Variants in PLXDC1 observed in about 807,000 individuals in gnomAD.
The protein encoded by PLXDC1 is plexin domain containing 1, also known as plexin domain-containing protein 1.
In PLXDC1, 39 loss-of-function variants were observed where a neutral mutation model predicts 61.3. The ratio of observed to expected loss-of-function variants is 0.64; its 90% CI spans 0.49 to 0.83. The LOEUF (loss-of-function observed/expected upper bound fraction) is 0.83, where lower values mean the gene tolerates loss of function less well. Among genes scored for constraint, PLXDC1 ranks in the 40% least tolerant of loss-of-function variants. PLXDC1 has a pLI of 0.00. For synonymous variants in PLXDC1, 212 were observed against 254.5 expected, an observed-to-expected ratio of 0.83 and a Z score of 1.59; for missense variants, 596 against 666.5, an observed-to-expected ratio of 0.89 and a Z score of 1.17.
chr17:39,107,767 C>T, intron 5 of PLXDC1: 1 of 584,050 alleles, frequency 1.7e-6, no homozygotes, highest in Non-Finnish European at 3.1e-6. Context: ...CTTTCCCTTT[C>T]CTTCTTGTCT....
intron 2 of PLXDC1, among the ~76,000 whole-genome samples, chr17:39,129,272 C>A (rs1185701857): frequency 6.8e-6 from 1 of 146,640 alleles, no homozygotes; most frequent in Non-Finnish European, 1.5e-5. Flanking sequence ...GAGCCAAGAT[C>A]ATGCCATTGC....
At chr17:39,140,271 A>G (rs1181740165) in intron 1 of PLXDC1, among the ~76,000 whole-genome samples, 1 of 151,982 alleles carries the variant, frequency 6.6e-6, no homozygotes, top group Non-Finnish European at 1.5e-5. Flanking sequence ...ATCTCTTGTA[A>G]CTGGTCTATG....
At chr17:39,109,511 T>C (rs1398030247) in intron 2 of PLXDC1, 120 bp from the exon 3 acceptor site, 2 of 1,241,428 alleles carry the variant, frequency 1.6e-6, no homozygotes, top group South Asian at 1.4e-5. Context: ...CCCAGGGTGC[T>C]GGACCTGTGG....
rs62076601 is a variant in PLXDC1, at chr17:39,067,156, C to T, written c.*684G>A. On this transcript the variant is annotated 3_prime_UTR_variant, in exon 14 of 14. Coordinates refer to ENST00000315392, the MANE Select transcript of PLXDC1 (RefSeq NM_020405.5). The stretch of plus-strand genomic sequence containing the variant: ...TGGAGCAAGGAAAGGGACTTTATTT[C>T]GGAGAGCCAGCAAACCAAGAAGATG... The T allele has an allele frequency of 0.039, 5,883 of 152,226 alleles. 100 individuals are homozygous for T. The highest frequency in any genetic ancestry group is 0.044 in the Non-Finnish European group (3,026 of 68,014). 9.4% of individuals were successfully genotyped at this position (152,226 alleles called of 1,614,324 possible).
At chr17:39,129,886 GTCTA>G (rs1191879982) in intron 2 of PLXDC1, among the ~76,000 whole-genome samples, 1 of 152,122 alleles carries the variant, frequency 6.6e-6, no homozygotes, top group African/African-American at 2.4e-5. Context: ...CAGCCTAAAT[GTCTA>G]TCAATAAATA....
At chr17:39,094,306 G>C (rs762229599) in intron 7 of PLXDC1, among the ~76,000 whole-genome samples, 3 of 152,192 alleles carry the variant, frequency 2.0e-5, no homozygotes, top group Admixed American at 2.0e-4. Flanking sequence ...GCACCAAAAC[G>C]CAATGGGATC....
At chr17:39,097,054 AG>A (rs1910235467) in intron 7 of PLXDC1, 1 of 468,322 alleles carries the variant, frequency 2.1e-6, no homozygotes, top group African/African-American at 2.0e-5. Context: ...CCCAGGAGTG[AG>A]GCTGTGAGGA....
intron 6 of PLXDC1, among the ~76,000 whole-genome samples, chr17:39,106,858 G>C (rs1462549748): frequency 2.6e-5 from 4 of 151,444 alleles, no homozygotes; most frequent in Non-Finnish European, 5.9e-5. Context: ...CATCATGTTG[G>C]CCAGGCTGGT....
chr17:39,071,232 A>T (rs1909105601), intron 12 of PLXDC1, among the ~76,000 whole-genome samples: 1 of 152,172 alleles, frequency 6.6e-6, no homozygotes, highest in South Asian at 2.1e-4. Context: ...TTCAGTGCCC[A>T]CCACTAAAAA....
At chr17:39,079,454 G>A in intron 9 of PLXDC1, 1 of 516,922 alleles carries the variant, frequency 1.9e-6, no homozygotes, top group Middle Eastern at 2.9e-4. Context: ...AGGTCGCCTT[G>A]ACTCTGAGCT....
At chr17:39,109,684 G>A (rs547324738) in intron 2 of PLXDC1, among the ~76,000 whole-genome samples, 50 of 152,254 alleles carry the variant, frequency 3.3e-4, no homozygotes, top group African/African-American at 1.2e-3. Flanking sequence ...CCAGGAGGCC[G>A]GCAGCCCCTG....
intron 7 of PLXDC1, among the ~76,000 whole-genome samples, chr17:39,096,380 G>T (rs1225797930): frequency 6.6e-6 from 1 of 152,108 alleles, no homozygotes; most frequent in Non-Finnish European, 1.5e-5. Flanking sequence ...GCCCCCAGAT[G>T]GATTAAAAAC....
At chr17:39,108,302 G>T (rs984983979) in intron 4 of PLXDC1, 57 bp from the exon 5 acceptor site, 1 of 1,598,520 alleles carries the variant, frequency 6.3e-7, no homozygotes, top group Admixed American at 1.7e-5. Flanking sequence ...GGCCGCTTTG[G>T]GGGCCTTTTC....
intron 2 of PLXDC1, among the ~76,000 whole-genome samples, chr17:39,111,180 A>G (rs1367757733): frequency 6.6e-6 from 1 of 151,838 alleles, no homozygotes; most frequent in Admixed American, 6.6e-5. Flanking sequence ...TCAAGCCACC[A>G]ATGGTCACTC....
intron 2 of PLXDC1, among the ~76,000 whole-genome samples, chr17:39,122,868 C>T (rs912158859): frequency 5.2e-4 from 79 of 152,252 alleles, no homozygotes; most frequent in African/African-American, 1.7e-3. Context: ...TCATTTCTTC[C>T]AACAAATCTT....
intron 2 of PLXDC1, among the ~76,000 whole-genome samples, chr17:39,114,900 G>C (rs558700823): frequency 6.6e-6 from 1 of 152,162 alleles, no homozygotes; most frequent in African/African-American, 2.4e-5. Context: ...CCAAACCTCC[G>C]GGCGTCTGAA....
At chr17:39,076,345 C>T (rs537508200) in intron 11 of PLXDC1, among the ~76,000 whole-genome samples, 1 of 150,608 alleles carries the variant, frequency 6.6e-6, no homozygotes, top group African/African-American at 2.4e-5. Context: ...CTCATCTCTA[C>T]AAAAAATTTT....
intron 2 of PLXDC1, among the ~76,000 whole-genome samples, chr17:39,111,231 CCCT>C (rs1910789257): frequency 6.6e-6 from 1 of 152,186 alleles, no homozygotes; most frequent in African/African-American, 2.4e-5. Context: ...GGAATGGCCA[CCCT>C]CGCCTTCTCC....
At chr17:39,122,092 G>A (rs1232979554) in intron 2 of PLXDC1, among the ~76,000 whole-genome samples, 2 of 59,136 alleles carry the variant, frequency 3.4e-5, no homozygotes, top group Non-Finnish European at 6.1e-5. Context: ...TCAAGACTCT[G>A]TCAAAAAAAA....
Sources: gnomAD v4.1 joint callset for allele counts (sites outside exome capture counted in the v4.1 genomes callset) on GRCh38, gnomAD v4.1.1 for gene constraint, MANE v1.5 for transcripts, NCBI Gene and HGNC (gene_info 2026-07-23, HGNC 2026-07-21) for gene names.